LRP1B: variants seen among roughly 807,000 people sequenced by gnomAD.
LRP1B encodes the protein LDL receptor related protein 1B.
In LRP1B, 217 loss-of-function variants were observed where a neutral mutation model predicts 556.6. That is an observed-to-expected ratio of 0.39 (90% CI 0.35 to 0.44). The LOEUF (loss-of-function observed/expected upper bound fraction) is 0.44, where lower values mean the gene tolerates loss of function less well. LRP1B is among the 20% of genes least tolerant of loss of function. The probability of loss-of-function intolerance (pLI) is 1.00; values close to 1 mark genes in which losing one functional copy is unlikely to be tolerated. For synonymous variants in LRP1B, 2,047 were observed against 1,865.8 expected, an observed-to-expected ratio of 1.10 and a Z score of -2.50; for missense variants, 5,053 against 5,620.8, an observed-to-expected ratio of 0.90 and a Z score of 3.23.
chr2:141,159,512 G>T (rs1360047281), intron 7 of LRP1B, among the ~76,000 whole-genome samples: 3 of 152,066 alleles, frequency 2.0e-5, no homozygotes, highest in African/African-American at 4.8e-5. Flanking sequence ...GACTACAGGT[G>T]CACACAACTG....
At chr2:141,531,906 T>C (rs984214759) in intron 2 of LRP1B, among the ~76,000 whole-genome samples, 1 of 152,184 alleles carries the variant, frequency 6.6e-6, no homozygotes, top group Admixed American at 6.5e-5. Context: ...TACTTCATTA[T>C]ATTTCTTCTG....
At chr2:140,366,930 A>T (rs1045550156) in intron 71 of LRP1B, among the ~76,000 whole-genome samples, 2 of 151,720 alleles carry the variant, frequency 1.3e-5, no homozygotes, top group Non-Finnish European at 2.9e-5. Flanking sequence ...AGGGTACAGG[A>T]GAGCAAAAGA....
At chr2:141,036,286 A>G (rs1698530725) in intron 11 of LRP1B, among the ~76,000 whole-genome samples, 1 of 152,120 alleles carries the variant, frequency 6.6e-6, no homozygotes, top group African/African-American at 2.4e-5. Flanking sequence ...GTGTGGTTTA[A>G]TGTGATAATT....
At chr2:140,301,914 TATATATAC>T (rs927091179) in intron 83 of LRP1B, among the ~76,000 whole-genome samples, 38 of 151,936 alleles carry the variant, frequency 2.5e-4, no homozygotes, top group African/African-American at 1.9e-4. Flanking sequence ...CACATATACA[TATATATAC>T]ATATATACAT....
At chr2:140,949,555 T>C (rs1254521746) in intron 20 of LRP1B, among the ~76,000 whole-genome samples, 1 of 147,384 alleles carries the variant, frequency 6.8e-6, no homozygotes, top group Non-Finnish European at 1.5e-5. Flanking sequence ...ACAAATGTTG[T>C]ATGGAAATAA....
Position 140,491,013 on chromosome 2 carries a change from A to T in LRP1B, c.9120+1595T>A, listed in dbSNP as rs115481477. 7.0e-4 allele frequency among the ~76,000 whole-genome samples: 106 copies of T among 152,154 alleles called. 1 individual carries two copies. The highest frequency in any genetic ancestry group is 2.2e-3 in the African/African-American group (93 of 41,526). On this transcript the variant is annotated intron_variant, in intron 57 of 90. Coordinates refer to ENST00000389484, the MANE Select transcript of LRP1B (RefSeq NM_018557.3). ...AAGAACTATCTTAAAATGTTTTTTT[A>T]AAAAAAGAGCATTAAAGTAGTTCTG...
intron 3 of LRP1B, among the ~76,000 whole-genome samples, chr2:141,329,655 A>AAACAAAACAAGAC (rs1553497025): frequency 7.2e-6 from 1 of 138,076 alleles, no homozygotes; most frequent in African/African-American, 2.8e-5. Context: ...AAAAAAAAAA[A>AAACAAAACAAGAC]AAAAAAAAAA....
chr2:141,524,793 G>C (rs1684640750), intron 2 of LRP1B, among the ~76,000 whole-genome samples: 1 of 151,582 alleles, frequency 6.6e-6, no homozygotes, highest in African/African-American at 2.4e-5. Context: ...GAGAGAAAGA[G>C]AGAGACAGAG....
chr2:141,911,936 A>C (rs1025201502), intron 1 of LRP1B, among the ~76,000 whole-genome samples: 1 of 152,072 alleles, frequency 6.6e-6, no homozygotes, highest in Non-Finnish European at 1.5e-5. Context: ...TGAACCCCCT[A>C]CAAGCATGCA....
At chr2:141,048,771 A>G (rs376126603) in intron 11 of LRP1B, among the ~76,000 whole-genome samples, 3 of 152,274 alleles carry the variant, frequency 2.0e-5, no homozygotes, top group African/African-American at 7.2e-5. Context: ...AATATAGTAG[A>G]CAACACCAAG....
chr2:140,794,472 AT>A (rs1690229071), intron 32 of LRP1B, among the ~76,000 whole-genome samples: 1 of 111,534 alleles, frequency 9.0e-6, no homozygotes, highest in African/African-American at 3.3e-5. Context: ...CATATTAGCT[AT>A]TTAAAACACA....
chr2:141,168,134 AC>A (rs1356905256), intron 7 of LRP1B, among the ~76,000 whole-genome samples: 1 of 152,056 alleles, frequency 6.6e-6, no homozygotes, highest in East Asian at 1.9e-4. Flanking sequence ...AATGACAAAG[AC>A]TACTTCAGCA....
At position 140,907,283 on chromosome 2, in the gene LRP1B, G is replaced by C. The variant is rs114270729; in HGVS notation, c.3520+594C>G. Among the ~76,000 whole-genome samples, 1,204 of 152,066 alleles carry C rather than the reference G, an allele frequency of 7.9e-3. 5 individuals are homozygous for C. Among genetic ancestry groups the C allele is most frequent in the Non-Finnish European group, 0.013 (872 of 68,006 alleles). On this transcript the variant is annotated intron_variant, in intron 22 of 90. Transcript: ENST00000389484. The stretch of plus-strand genomic sequence containing the variant: ...AATGTAATTTTCTTTTGTATGTGCT[G>C]GTTGGTAAGAAAGATTGCTAGTCAA...
intron 1 of LRP1B, among the ~76,000 whole-genome samples, chr2:142,053,714 G>T (rs575979764): frequency 6.6e-6 from 1 of 152,186 alleles, no homozygotes; most frequent in Admixed American, 6.5e-5. Flanking sequence ...GTTACAAAAA[G>T]ACCATTGGCC....
At chr2:141,944,814 G>C (rs1700907771) in intron 1 of LRP1B, among the ~76,000 whole-genome samples, 1 of 152,060 alleles carries the variant, frequency 6.6e-6, no homozygotes, top group South Asian at 2.1e-4. Context: ...TTTGAATTCT[G>C]AGATATCTAC....
intron 1 of LRP1B, among the ~76,000 whole-genome samples, chr2:142,086,536 C>T (rs1473798009): frequency 2.0e-5 from 3 of 151,646 alleles, no homozygotes; most frequent in Middle Eastern, 3.4e-3. Context: ...ACCCGGGAGG[C>T]GGGAGGCAGA....
chr2:141,663,129 T>C (rs571422014), intron 2 of LRP1B, among the ~76,000 whole-genome samples: 2 of 152,238 alleles, frequency 1.3e-5, no homozygotes, highest in East Asian at 3.9e-4. Context: ...AAGTTGTTCT[T>C]TGAAACCAAT....
intron 1 of LRP1B, among the ~76,000 whole-genome samples, chr2:141,927,174 T>C (rs1464938173): frequency 1.3e-5 from 2 of 151,386 alleles, no homozygotes; most frequent in African/African-American, 4.9e-5. Context: ...ACAATACTTT[T>C]AGAAAGAAAA....
chr2:140,520,001 TTTACACTG>T (rs1472181944), intron 49 of LRP1B, among the ~76,000 whole-genome samples: 1 of 152,128 alleles, frequency 6.6e-6, no homozygotes, highest in Non-Finnish European at 1.5e-5. Flanking sequence ...TAGGAATGCT[TTTACACTG>T]TTTTTGGGAG....
Sources: allele counts gnomAD v4.1 joint callset (sites outside exome capture counted in the v4.1 genomes callset), GRCh38; gene constraint gnomAD v4.1.1; transcripts MANE v1.5; gene names NCBI Gene and HGNC (gene_info 2026-07-23, HGNC 2026-07-21).